The following USF3 variants were observed in gnomAD, a reference collection of about 807,000 sequenced individuals.
USF3 encodes basic helix-loop-helix domain-containing protein USF3.
USF3 carries 29 observed loss-of-function variants against 157.5 expected under a neutral mutation model. The observed-to-expected ratio is 0.18, with a 90% CI of 0.14 to 0.25. The LOEUF is 0.25. Ranked by LOEUF, USF3 falls within the 10% of genes least tolerant of loss-of-function variation. USF3 has a pLI of 1.00. For missense variants in USF3, 2,381 were observed against 2,667.6 expected (o/e 0.89, Z 2.37); for synonymous variants, 893 against 941.4 (o/e 0.95, Z 0.94).
At chr3:113,666,340 C>T (rs1277979276) in intron 5 of USF3, among the ~76,000 whole-genome samples, 1 of 147,534 alleles carries the variant, frequency 6.8e-6, no homozygotes, top group Admixed American at 6.7e-5. Flanking sequence ...CAACCTCTGC[C>T]TTTCGGGCTC....
chr3:113,694,460 C>T (rs1195673338), intron 1 of USF3, among the ~76,000 whole-genome samples: 1 of 152,224 alleles, frequency 6.6e-6, no homozygotes, highest in Non-Finnish European at 1.5e-5. Context: ...TACTTCAATT[C>T]TAAGCTGCTC....
intron 1 of USF3, among the ~76,000 whole-genome samples, chr3:113,682,281 T>C (rs1350781648): frequency 2.6e-5 from 4 of 151,864 alleles, no homozygotes; most frequent in Non-Finnish European, 5.9e-5. Flanking sequence ...GCCATGATCG[T>C]GCCACCGCAC....
chr3:113,689,123 G>A (rs1166274258), intron 1 of USF3, among the ~76,000 whole-genome samples: 1 of 152,220 alleles, frequency 6.6e-6, no homozygotes, highest in Non-Finnish European at 1.5e-5. Context: ...AAATTGTACA[G>A]TAAATAGGAA....
rs1287678748 is a variant in USF3 at position 113,660,230 on chromosome 3, A to G, written c.1452T>C (p.Phe484=). The G allele has an allele frequency of 6.2e-7, 1 of 1,614,060 alleles. No individual in the cohort carries two copies. The highest frequency in any genetic ancestry group is 1.3e-5 in the African/African-American group (1 of 74,930). ...GCTCAACTGGCTGCCCATCTGCTGG[A>G]AAGGAATTATTCAAGTTGATGTCTG... The part of the protein sequence containing the change: ...VATDINLNNS[F]PADGQPVEQV... Residue 484 remains phenylalanine (F), a synonymous_variant, in exon 7 of 7, where the codon TTT becomes TTC. Transcript: ENST00000316407.
intron 4 of USF3, among the ~76,000 whole-genome samples, chr3:113,671,079 C>G (rs969424826): frequency 3.9e-5 from 6 of 152,134 alleles, no homozygotes; most frequent in African/African-American, 1.4e-4. Flanking sequence ...ATAATAATTA[C>G]TTTCAAATTA....
At chr3:113,693,871 G>A (rs1024803215) in intron 1 of USF3, among the ~76,000 whole-genome samples, 5 of 152,192 alleles carry the variant, frequency 3.3e-5, no homozygotes, top group Admixed American at 1.3e-4. Flanking sequence ...AAAGGTCAAC[G>A]TCAACGTCTG....
intron 1 of USF3, among the ~76,000 whole-genome samples, chr3:113,687,231 A>ACC (rs1707573978): frequency 1.4e-5 from 1 of 73,052 alleles, no homozygotes; most frequent in Non-Finnish European, 2.4e-5. Flanking sequence ...ACACACAGTC[A>ACC]CACACACACA....
At chr3:113,690,806 G>T (rs368260808) in intron 1 of USF3, among the ~76,000 whole-genome samples, 1 of 152,024 alleles carries the variant, frequency 6.6e-6, no homozygotes, top group Admixed American at 6.6e-5. Flanking sequence ...TATCACTCTC[G>T]CTACTTAGTA....
chr3:113,683,798 T>C (rs1385299288), intron 1 of USF3, among the ~76,000 whole-genome samples: 2 of 152,228 alleles, frequency 1.3e-5, no homozygotes, highest in African/African-American at 4.8e-5. Flanking sequence ...CTGATGTTTC[T>C]ACTTATATCT....
intron 5 of USF3, among the ~76,000 whole-genome samples, chr3:113,669,329 A>G (rs1707092777): frequency 1.3e-5 from 2 of 151,302 alleles, no homozygotes; most frequent in African/African-American, 4.8e-5. Context: ...AAAAAAAAAC[A>G]CAGAAGAAAC....
chr3:113,679,109 T>A (rs547535011), intron 1 of USF3, among the ~76,000 whole-genome samples: 1 of 151,602 alleles, frequency 6.6e-6, no homozygotes, highest in South Asian at 2.1e-4. Context: ...TGCACCTGGC[T>A]CCATTAATAT....
At chr3:113,693,013 A>C (rs959259562) in intron 1 of USF3, among the ~76,000 whole-genome samples, 1 of 152,250 alleles carries the variant, frequency 6.6e-6, no homozygotes, top group Non-Finnish European at 1.5e-5. Flanking sequence ...AATCACTTAG[A>C]TTCTACTAAC....
rs1290172771 is a variant in USF3 at position 113,693,799 on chromosome 3, A to T, written c.-135+2571T>A. ...AAGCTATCCAGAAAACTTTCATAAA[A>T]GTGTAATTAGAACTATTATTGGCGG... On this transcript the variant is annotated intron_variant, in intron 1 of 6. Transcript: ENST00000316407. 2.0e-5 allele frequency among the ~76,000 whole-genome samples: 3 copies of T among 152,224 alleles called. No homozygotes were observed. The East Asian group carries it at 5.8e-4, about 29-fold the overall frequency.
At position 113,656,379 on chromosome 3, in the gene USF3, C is replaced by T. The variant is rs181199143; in HGVS notation, c.5303G>A (p.Arg1768Gln). The T allele has an allele frequency of 9.5e-5, 154 of 1,614,126 alleles. No homozygotes were observed. Among genetic ancestry groups the T allele is most frequent in the African/African-American group, 7.6e-4 (57 of 75,024 alleles). ...NEIGNPVSSL[R>Q]SMQSQAFRIS... The stretch of plus-strand genomic sequence containing the variant: ...TCGAAAAGCCTGGGACTGCATACTC[C>T]GCAATGATGATACAGGGTTACCTAT... Residue 1768 changes from arginine to glutamine, a missense_variant, in exon 7 of 7, where the codon CGG (arginine) becomes CAG (glutamine). By Grantham distance (43) the Arg-to-Gln change is conservative (BLOSUM62 1). Coordinates refer to ENST00000316407, the MANE Select transcript of USF3 (RefSeq NM_001009899.4).
chr3:113,672,833 G>A (rs1290547915), intron 4 of USF3, among the ~76,000 whole-genome samples: 2 of 152,146 alleles, frequency 1.3e-5, no homozygotes, highest in Non-Finnish European at 2.9e-5. Context: ...TAATTTTATA[G>A]ATGTTTATCT....
chr3:113,690,587 A>G (rs767283683), intron 1 of USF3, among the ~76,000 whole-genome samples: 3 of 152,060 alleles, frequency 2.0e-5, no homozygotes, highest in Non-Finnish European at 4.4e-5. Context: ...CTCCTCTTCA[A>G]TTCAGACAGG....
rs752178220 is a variant in USF3, at chr3:113,658,071, G to C, written c.3611C>G (p.Ala1204Gly). 3.1e-6 allele frequency: 5 copies of C among 1,614,024 alleles called. No homozygotes were observed. Among genetic ancestry groups the C allele is most frequent in the Non-Finnish European group, 4.2e-6 (5 of 1,180,030 alleles). ...TTTCTCAAGGGGCCTCTCCATAGTT[G>C]CTTCAATTGAACCCTGAGAATTAAA... is the stretch of plus-strand genomic sequence containing the variant. ...NEFNSQGSIE[A>G]TMERPLEKPS... Residue 1204 changes from alanine to glycine, a missense_variant, in exon 7 of 7, where the codon GCA (alanine) becomes GGA (glycine). Transcript: ENST00000316407.
At position 113,654,070 on chromosome 3, in the gene USF3, G is replaced by A. The variant is rs1947311268; in HGVS notation, c.*874C>T. On this transcript the variant is annotated 3_prime_UTR_variant, in exon 7 of 7. Coordinates refer to ENST00000316407, the MANE Select transcript of USF3 (RefSeq NM_001009899.4). ...TATTTCAAGACCAAATAAATAGAAT[G>A]AAGAGAGAATACTAAATTAAACTCA... 1 of 152,408 alleles carries A rather than the reference G, an allele frequency of 6.6e-6. No individual in the cohort carries two copies. Among genetic ancestry groups the A allele is most frequent in the Non-Finnish European group, 1.5e-5 (1 of 68,016 alleles). 9.4% of individuals were successfully genotyped at this position (152,408 alleles called of 1,614,324 possible).
rs1420574765 is a variant in USF3, at chr3:113,658,150, A to T, written c.3532T>A (p.Ser1178Thr). 5.6e-6 allele frequency: 9 copies of T among 1,613,970 alleles called. No homozygotes were observed. Among genetic ancestry groups the T allele is most frequent in the African/African-American group, 1.3e-5 (1 of 74,878 alleles). The change falls in exon 7 of 7, where the codon TCA becomes ACA. Residue 1178 changes from serine to threonine, a missense_variant. This residue lies in a region of USF3 where 1,435 missense variants were observed against 1,550.9 expected (regional missense o/e 0.93). Transcript: ENST00000316407. ...SLLEGDPPFK[S>T]QIPKESGTGQ... Reference sequence around the variant, plus strand: ...GTGCCACTCTCTTTAGGTATCTGTGATTTGAAGGGTGGGTCTCCCTCTAAC... The same window carrying T: ...GTGCCACTCTCTTTAGGTATCTGTGTTTTGAAGGGTGGGTCTCCCTCTAAC...
Sources: allele counts gnomAD v4.1 joint callset (sites outside exome capture counted in the v4.1 genomes callset), GRCh38; gene constraint gnomAD v4.1.1; regional missense constraint gnomAD v4.1.1; transcripts MANE v1.5; gene names NCBI Gene and HGNC (gene_info 2026-07-23, HGNC 2026-07-21).